Variants in P2RX7 observed in about 807,000 individuals in gnomAD.
P2RX7 encodes purinergic receptor P2X 7, also known as P2X purinoceptor 7.
P2RX7 carries 62 observed loss-of-function variants against 71.6 expected under a neutral mutation model. That is an observed-to-expected ratio of 0.87 (90% confidence interval 0.71 to 1.07). P2RX7 has a LOEUF of 1.07. Among genes scored for constraint, P2RX7 ranks in the 50% least tolerant of loss-of-function variants. The pLI, the probability that P2RX7 is intolerant of heterozygous loss-of-function variation, is 0.00. For synonymous variants in P2RX7, 299 were observed against 283.3 expected (o/e 1.06, Z -0.56); for missense variants, 686 against 748.5 (o/e 0.92, Z 0.97).
intron 1 of P2RX7, among the ~76,000 whole-genome samples, chr12:121,152,381 T>C (rs1460727678): frequency 3.3e-5 from 5 of 152,166 alleles, no homozygotes; most frequent in African/African-American, 1.2e-4. Flanking sequence ...CAGGCTGGAG[T>C]ACAGGGGTGC....
At chr12:121,159,723 C>G (rs1180627493) in intron 3 of P2RX7, among the ~76,000 whole-genome samples, 1 of 152,210 alleles carries the variant, frequency 6.6e-6, no homozygotes, top group African/African-American at 2.4e-5. Context: ...TTTCTCTCTT[C>G]CGTGTTCTGT....
rs201627284 is a variant in P2RX7, at chr12:121,185,737, G to A, written c.*935G>A. The stretch of plus-strand genomic sequence containing the variant: ...GCTGTCCCTTGGAACTCTTGCTATC[G>A]GGGAAGCCAGACGCCATTTAAAAGT... On this transcript the variant is annotated 3_prime_UTR_variant, in exon 13 of 13. Transcript: ENST00000328963. 1 of 152,464 alleles carries A rather than the reference G, an allele frequency of 6.6e-6. No individual in the cohort carries two copies. Among genetic ancestry groups the A allele is most frequent in the African/African-American group, 2.4e-5 (1 of 41,428 alleles). 9.4% of individuals were successfully genotyped at this position (152,464 alleles called of 1,614,324 possible). A position where few individuals can be genotyped will look rare whatever the true frequency, so the allele number is the denominator to read the frequency against.
In P2RX7 at chr12:121,155,958, C is replaced by A. The variant is rs1878487460; in HGVS notation, c.295-121C>A. The A allele has an allele frequency of 2.3e-5, 20 of 882,532 alleles. No individual in the cohort carries two copies. In the South Asian group the frequency reaches 2.9e-4, roughly 13 times the overall value. 54.7% of individuals were successfully genotyped at this position (882,532 alleles called of 1,614,324 possible). ...CCCTTGGCATATTCCAAGTTGCCCA[C>A]AGATCCTGATTTCTAGAAGCTTAGA... is the stretch of plus-strand genomic sequence containing the variant. On this transcript the variant is annotated intron_variant, in intron 2 of 12. Coordinates refer to ENST00000328963, the MANE Select transcript of P2RX7 (RefSeq NM_002562.6).
chr12:121,175,454 T>C lies in P2RX7; in HGVS notation c.948T>C (p.Arg316=). ...CTCTGATAAAAGTCTTCGGGATCCGTTTTGACATCCTGGTTTTTGGCACCG... is the reference window on the plus strand; with the variant it reads ...CTCTGATAAAAGTCTTCGGGATCCGCTTTGACATCCTGGTTTTTGGCACCG... ...KRTLIKVFGI[R]FDILVFGTGG... is the part of the protein sequence containing the mutation. The change falls in exon 9 of 13, where the codon CGT becomes CGC. Residue 316 remains arginine (R), a synonymous_variant. Transcript: ENST00000328963. 1 of 1,543,880 alleles carries C rather than the reference T, an allele frequency of 6.5e-7. No individual in the cohort carries two copies. The highest frequency in any genetic ancestry group is 9.0e-7 in the Non-Finnish European group (1 of 1,115,882).
Position 121,180,353 on chromosome 12 carries a change from G to C in P2RX7, c.1189-1G>C. The C allele has an allele frequency of 1.3e-6, 2 of 1,541,452 alleles. No homozygotes were observed. The highest frequency in any genetic ancestry group is 1.9e-5 in the Admixed American group (1 of 51,354). On this transcript the variant is annotated splice_acceptor_variant, in intron 11 of 12. Transcript: ENST00000328963. LOFTEE classifies it high-confidence loss of function. ...TAAACTTTCAAACCATCTTTTCCTAGACATTAAAGTATGTGTCCTTTGTGG... is the reference window on the plus strand; with the variant it reads ...TAAACTTTCAAACCATCTTTTCCTACACATTAAAGTATGTGTCCTTTGTGG...
chr12:121,164,605 AC>A (rs1880610041), intron 5 of P2RX7, among the ~76,000 whole-genome samples: 1 of 151,784 alleles, frequency 6.6e-6, no homozygotes, highest in South Asian at 2.1e-4. Flanking sequence ...ACATGGTGAA[AC>A]CCCATCTCTA....
intron 1 of P2RX7, among the ~76,000 whole-genome samples, chr12:121,136,194 T>C (rs500930): frequency 0.62 from 92,602 of 148,236 alleles, 31,180 homozygotes; most frequent in Middle Eastern, 0.8. Context: ...CCAGCTATCA[T>C]AGGACCAATG....
intron 3 of P2RX7, among the ~76,000 whole-genome samples, chr12:121,160,502 C>A (rs371664673): frequency 3.3e-5 from 5 of 152,274 alleles, no homozygotes; most frequent in African/African-American, 1.2e-4. Flanking sequence ...GTAGCAGTCA[C>A]TCCCCATTCT....
At position 121,184,873 on chromosome 12, in the gene P2RX7, T is replaced by C. The variant is rs1884722316; in HGVS notation, c.*71T>C. ...GCCGAGGCAGGCAGATCACCTGAGGTCGGGAGTTGGAGACCCGCCTGGCTA... is the reference window on the plus strand; with the variant it reads ...GCCGAGGCAGGCAGATCACCTGAGGCCGGGAGTTGGAGACCCGCCTGGCTA... On this transcript the variant is annotated 3_prime_UTR_variant, in exon 13 of 13. Transcript: ENST00000328963. 7.8e-7 allele frequency: 1 copy of C among 1,282,366 alleles called. No individual in the cohort carries two copies. 79.4% of individuals were successfully genotyped at this position (1,282,366 alleles called of 1,614,324 possible).
intron 8 of P2RX7, among the ~76,000 whole-genome samples, chr12:121,173,326 C>G (rs570149754): frequency 6.6e-6 from 1 of 152,144 alleles, no homozygotes; most frequent in African/African-American, 2.4e-5. Context: ...GCTGGGATTA[C>G]AGGCGTCTGC....
chr12:121,183,580 A>AAAAAC (rs374764014), intron 12 of P2RX7, among the ~76,000 whole-genome samples: 1 of 147,994 alleles, frequency 6.8e-6, no homozygotes. Context: ...CAAAAAAAAA[A>AAAAAC]AACAACAAAT....
In P2RX7 at chr12:121,149,449, A is replaced by G. The variant is rs1355556978; in HGVS notation, c.126-5336A>G. Among the ~76,000 whole-genome samples, 1 of 152,180 alleles carries G rather than the reference A, an allele frequency of 6.6e-6. No homozygotes were observed. The highest frequency in any genetic ancestry group is 1.5e-5 in the Non-Finnish European group (1 of 68,020). The stretch of plus-strand genomic sequence containing the variant: ...GGCCTCACAATCATGGCAGAGGGCG[A>G]AAGGCATGTCTTACATGGTGGCAGG... On this transcript the variant is annotated intron_variant, in intron 1 of 12. Transcript: ENST00000328963. The surrounding 1 kb of genome is among the most constrained non-coding windows in gnomAD (Gnocchi z 4.7).
intron 1 of P2RX7, among the ~76,000 whole-genome samples, chr12:121,145,149 C>T (rs566358541): frequency 2.6e-5 from 4 of 152,296 alleles, no homozygotes; most frequent in Admixed American, 2.6e-4. Context: ...GGGCCTAGAA[C>T]ACGCCCCAAA....
rs531397159 is a variant in P2RX7, at chr12:121,181,178, C to T, written c.1290+723C>T. 1.8e-4 allele frequency among the ~76,000 whole-genome samples: 27 copies of T among 152,242 alleles called. No individual in the cohort carries two copies. The South Asian group carries it at 3.3e-3, about 19-fold the overall frequency. Reference sequence around the variant, plus strand: ...TCACGTAGTATGTAAGCGGTATATACGCGGTTGAGTGTCTGGCTTCCTTTA... The same window carrying T: ...TCACGTAGTATGTAAGCGGTATATATGCGGTTGAGTGTCTGGCTTCCTTTA... On this transcript the variant is annotated intron_variant, in intron 12 of 12. Transcript: ENST00000328963.
chr12:121,176,752 A>C (rs1883215175), intron 9 of P2RX7, among the ~76,000 whole-genome samples: 1 of 91,718 alleles, frequency 1.1e-5, no homozygotes. Context: ...ACTCTGTCTC[A>C]AAAAAAAAAA....
chr12:121,154,830 C>T lies in P2RX7; in HGVS notation c.171C>T (p.Val57=), dbSNP rs767838566. 1 of 1,614,144 alleles carries T rather than the reference C, an allele frequency of 6.2e-7. No individual in the cohort carries two copies. The stretch of plus-strand genomic sequence containing the variant: ...AGCTGTACCAGCGGAAAGAGCCTGT[C>T]ATCAGTTCTGTGCACACCAAGGTGA... ...SDKLYQRKEP[V]ISSVHTKVKG... Residue 57 remains valine, a synonymous_variant, in exon 2 of 13, where the codon GTC becomes GTT. Coordinates refer to ENST00000328963, the MANE Select transcript of P2RX7 (RefSeq NM_002562.6). The surrounding 1 kb of genome is among the most constrained non-coding windows in gnomAD (Gnocchi z 4.2).
chr12:121,163,822 C>T (rs1228372541), intron 5 of P2RX7, among the ~76,000 whole-genome samples: 1 of 152,090 alleles, frequency 6.6e-6, no homozygotes, highest in Non-Finnish European at 1.5e-5. Flanking sequence ...TATTGGACAG[C>T]GCAGTTCTAG....
intron 4 of P2RX7, chr12:121,162,155 G>T: frequency 9.5e-7 from 1 of 1,047,672 alleles, no homozygotes; most frequent in South Asian, 1.9e-5. Context: ...TCCCCTCATG[G>T]GCACCTTTTC....
rs1593007265 is a variant in P2RX7, at chr12:121,142,724, C to T, written c.125+9629C>T. On this transcript the variant is annotated intron_variant, in intron 1 of 12. Coordinates refer to ENST00000328963, the MANE Select transcript of P2RX7 (RefSeq NM_002562.6). ...GTGTGTGTCAAATCTCCTTCTGCCT[C>T]TCTTATAAGGACGCGTGTAATAGCA... Among the ~76,000 whole-genome samples, 3 of 152,182 alleles carry T rather than the reference C, an allele frequency of 2.0e-5. No individual in the cohort carries two copies. The East Asian group carries it at 5.8e-4, about 29-fold the overall frequency.
Sources: gnomAD v4.1 joint callset for allele counts (sites outside exome capture counted in the v4.1 genomes callset) on GRCh38, gnomAD v4.1.1 for gene constraint, Gnocchi (gnomAD v3.1) non-coding constraint, MANE v1.5 for transcripts, NCBI Gene and HGNC (gene_info 2026-07-23, HGNC 2026-07-21) for gene names.